TSPAN4: variants seen among roughly 807,000 people sequenced by gnomAD.
The protein encoded by TSPAN4 is tetraspanin-4.
TSPAN4 carries 38 observed loss-of-function variants against 31.5 expected under a neutral mutation model. The observed-to-expected ratio is 1.21, with a 90% CI of 0.93 to 1.58. TSPAN4 has a LOEUF of 1.58. Ranked by LOEUF, TSPAN4 falls within the 40% of genes most tolerant of loss-of-function variation. The pLI, the probability that TSPAN4 is intolerant of heterozygous loss-of-function variation, is 0.00. For synonymous variants in TSPAN4, 186 were observed against 144.6 expected (o/e 1.29, Z -2.06); for missense variants, 330 against 317.3 (o/e 1.04, Z -0.30).
chr11:863,785 TC>T (rs1848608758), intron 4 of TSPAN4: 1 of 155,048 alleles, frequency 6.4e-6, no homozygotes, highest in Non-Finnish European at 1.4e-5. Flanking sequence ...ACACATGCTG[TC>T]CATGCCTGCC....
In TSPAN4 at chr11:865,597, A is replaced by G. The variant is rs1233953519; in HGVS notation, c.415A>G (p.Ser139Gly). 1 of 1,612,730 alleles carries G rather than the reference A, an allele frequency of 6.2e-7. No individual in the cohort carries two copies. The highest frequency in any genetic ancestry group is 1.3e-5 in the African/African-American group (1 of 74,904). Residue 139 changes from serine to glycine, a missense_variant, in exon 6 of 9, where the codon AGC becomes GGC. Physicochemically the swap from Ser to Gly is moderately conservative, Grantham distance 56 (BLOSUM62 0). Coordinates refer to ENST00000397397, the MANE Select transcript of TSPAN4 (RefSeq NM_003271.5). ...QGNVGLTNAW[S>G]IIQTDFRCCG... ...CAACGTGGGCCTCACCAACGCCTGG[A>G]GCATCATCCAGACCGACGTGAGGCG...
chr11:863,467 A>T (rs1042437327), intron 4 of TSPAN4: 1 of 152,126 alleles, frequency 6.6e-6, no homozygotes, highest in East Asian at 1.9e-4. Flanking sequence ...TCCCCTCCGT[A>T]CCCCTTCCTG....
At chr11:858,859 C>T (rs1463214381) in intron 3 of TSPAN4, among the ~76,000 whole-genome samples, 2 of 139,974 alleles carry the variant, frequency 1.4e-5, no homozygotes, top group Non-Finnish European at 3.1e-5. Flanking sequence ...GGCTCCCATG[C>T]ACCCCCGGCT....
Position 865,856 on chromosome 11 carries a change from A to C in TSPAN4, c.564+31A>C, listed in dbSNP as rs1386063543. On this transcript the variant is annotated intron_variant, in intron 7 of 8. Coordinates refer to ENST00000397397, the MANE Select transcript of TSPAN4 (RefSeq NM_003271.5). ...TGAGACCCCCACCCTGGGGGCTGGT[A>C]GGGGCCTAGAGGGCGGGACCAGCAG... 6 of 1,612,106 alleles carry C rather than the reference A, an allele frequency of 3.7e-6. No individual in the cohort carries two copies. The Admixed American group carries it at 1.0e-4, about 27-fold the overall frequency.
chr11:861,602 C>T (rs1326793668), intron 3 of TSPAN4, among the ~76,000 whole-genome samples: 7 of 152,154 alleles, frequency 4.6e-5, no homozygotes, highest in African/African-American at 9.7e-5. Flanking sequence ...GTCCCAGCTA[C>T]TCGGGAGGCT....
intron 3 of TSPAN4, among the ~76,000 whole-genome samples, chr11:851,877 G>A (rs1405814062): frequency 6.6e-6 from 1 of 152,090 alleles, no homozygotes; most frequent in Non-Finnish European, 1.5e-5. Context: ...CCCTCCTCCT[G>A]TCCTCCGTGG....
Position 862,761 on chromosome 11 carries a change from CGATGCTCCGGGTGG to C in TSPAN4, c.255+23_255+36del. 1 of 1,597,876 alleles carries C rather than the reference CGATGCTCCGGGTGG, an allele frequency of 6.3e-7. No individual in the cohort carries two copies. The highest frequency in any genetic ancestry group is 1.1e-5 in the South Asian group (1 of 88,574). On this transcript the variant is annotated intron_variant, in intron 4 of 8. Coordinates refer to ENST00000397397, the MANE Select transcript of TSPAN4 (RefSeq NM_003271.5). ...CTCACTGTGAGTGCCGGGGCCCAAG[CGATGCTCCGGGTGG>C]GACCACGCAGGGTGGGGCTCCGGTG...
rs1276911157 is a variant in TSPAN4 at position 864,804 on chromosome 11, G to A, written c.330+293G>A. The A allele has an allele frequency of 1.5e-5, 8 of 525,254 alleles. 1 individual carries two copies. Among genetic ancestry groups the A allele is most frequent in the Admixed American group, 9.5e-5 (3 of 31,664 alleles). 32.5% of individuals were successfully genotyped at this position (525,254 alleles called of 1,614,324 possible). A position where few individuals can be genotyped will look rare whatever the true frequency, so the allele number is the denominator to read the frequency against. ...GCGTCCTGAGCCGTCTGCTCCCAGCGCCCCATCCGGGCCGCGCACCGTGGG... is the reference window on the plus strand; with the variant it reads ...GCGTCCTGAGCCGTCTGCTCCCAGCACCCCATCCGGGCCGCGCACCGTGGG... On this transcript the variant is annotated intron_variant, in intron 5 of 8. Transcript: ENST00000397397.
chr11:864,030 ACCATGAAGACAGGCAC>A (rs1848626137), intron 4 of TSPAN4: 1 of 239,916 alleles, frequency 4.2e-6, no homozygotes. Flanking sequence ...ACATCTTCCC[ACCATGAAGACAGGCAC>A]CCAGCGAGGC....
At chr11:853,055 T>G (rs1847843713) in intron 3 of TSPAN4, among the ~76,000 whole-genome samples, 1 of 147,638 alleles carries the variant, frequency 6.8e-6, no homozygotes, top group Non-Finnish European at 1.5e-5. Flanking sequence ...TGGGTGTGGC[T>G]GTGGGTGTGG....
chr11:848,243 C>T lies in TSPAN4; in HGVS notation c.-18+943C>T, dbSNP rs1223365547. Among the ~76,000 whole-genome samples, 2 of 152,134 alleles carry T rather than the reference C, an allele frequency of 1.3e-5. No homozygotes were observed. The highest frequency in any genetic ancestry group is 2.4e-5 in the African/African-American group (1 of 41,438). On this transcript the variant is annotated intron_variant, in intron 2 of 8. Transcript: ENST00000397397. The surrounding 1 kb of genome is among the most constrained non-coding windows in gnomAD (Gnocchi z 5.7). ...GGCTCCTGGGGTCTCTGCTGGGCCCCGATGCGTGGCCGCCGTTCTGACCCA... is the reference window on the plus strand; with the variant it reads ...GGCTCCTGGGGTCTCTGCTGGGCCCTGATGCGTGGCCGCCGTTCTGACCCA...
intron 8 of TSPAN4, 94 bp from the exon 9 acceptor site, chr11:866,468 A>G (rs919971290): frequency 3.4e-5 from 41 of 1,214,698 alleles, no homozygotes; most frequent in Non-Finnish European, 4.5e-5. Context: ...GGTCGGGGTC[A>G]GGGCCAGGGC....
intron 4 of TSPAN4, chr11:863,009 T>A: frequency 2.2e-6 from 1 of 448,892 alleles, no homozygotes. Flanking sequence ...GACGGGACAC[T>A]GGCCCTGGTG....
chr11:856,013 C>G (rs1301495528), intron 3 of TSPAN4, among the ~76,000 whole-genome samples: 1 of 152,230 alleles, frequency 6.6e-6, no homozygotes, highest in African/African-American at 2.4e-5. Context: ...CGATGGACTC[C>G]AGTGACTGCA....
At chr11:853,131 G>T (rs1407172269) in intron 3 of TSPAN4, among the ~76,000 whole-genome samples, 1 of 152,094 alleles carries the variant, frequency 6.6e-6, no homozygotes, top group Non-Finnish European at 1.5e-5. Context: ...TTGGGGGGCT[G>T]GGAGTGGGGT....
chr11:843,330 G>C (rs1281450624), intron 1 of TSPAN4: 1 of 152,218 alleles, frequency 6.6e-6, no homozygotes, highest in African/African-American at 2.4e-5. Context: ...ATGGGGTCGG[G>C]GTGCGCCCTC....
intron 3 of TSPAN4, 54 bp downstream of exon 3, chr11:850,421 G>GACCC: frequency 6.6e-7 from 1 of 1,508,602 alleles, no homozygotes; most frequent in Non-Finnish European, 9.0e-7. Flanking sequence ...TCCCTCCCGC[G>GACCC]GCGGGTCGCG....
intron 5 of TSPAN4, chr11:865,273 T>TC (rs1848705381): frequency 3.6e-6 from 2 of 551,150 alleles, no homozygotes; most frequent in Admixed American, 3.3e-5. Flanking sequence ...CTGTCCTCTG[T>TC]CCCCCCAGGA....
intron 3 of TSPAN4, chr11:857,400 GTTTTTTT>G (rs59381120): frequency 2.0e-5 from 2 of 100,310 alleles, no homozygotes; most frequent in South Asian, 6.6e-4. Context: ...GGCAGTTTGG[GTTTTTTT>G]TTTTTTTTTT....
Sources: gnomAD v4.1 joint callset for allele counts (sites outside exome capture counted in the v4.1 genomes callset) on GRCh38, gnomAD v4.1.1 for gene constraint, Gnocchi (gnomAD v3.1) non-coding constraint, MANE v1.5 for transcripts, NCBI Gene and HGNC (gene_info 2026-07-23, HGNC 2026-07-21) for gene names.